Variants in TMEM63C observed in about 807,000 individuals in gnomAD.
TMEM63C encodes the protein transmembrane protein 63C, also known as osmosensitive cation channel TMEM63C.
In TMEM63C, 32 loss-of-function variants were observed where a neutral mutation model predicts 99.2. The ratio of observed to expected loss-of-function variants is 0.32; its 90% CI spans 0.24 to 0.43. The LOEUF is 0.43. Ranked by LOEUF, TMEM63C falls within the 20% of genes least tolerant of loss-of-function variation. TMEM63C has a pLI of 1.00. For synonymous variants in TMEM63C, 376 were observed against 397.9 expected, an observed-to-expected ratio of 0.94 and a Z score of 0.66; for missense variants, 826 against 1,053.0, an observed-to-expected ratio of 0.78 and a Z score of 2.98.
intron 3 of TMEM63C, 76 bp from the exon 4 acceptor site, chr14:77,219,422 A>C: frequency 6.7e-7 from 1 of 1,483,136 alleles, no homozygotes; most frequent in Non-Finnish European, 9.4e-7. Flanking sequence ...GTCTCCCCCA[A>C]GGGAATGCAG....
chr14:77,243,811 C>A lies in TMEM63C; in HGVS notation c.1342-538C>A, dbSNP rs1296083874. 2.0e-5 allele frequency among the ~76,000 whole-genome samples: 3 copies of A among 152,108 alleles called. No individual in the cohort carries two copies. In the East Asian group the frequency reaches 5.8e-4, roughly 29 times the overall value. On this transcript the variant is annotated intron_variant, in intron 15 of 23. Transcript: ENST00000298351. ...AAGTCAACACACACGCATGCACACA[C>A]ACGCACACATGCACAGTCAACAGAC...
chr14:77,205,927 C>T lies in TMEM63C; in HGVS notation c.-76-7519C>T, dbSNP rs539512638. On this transcript the variant is annotated intron_variant, in intron 1 of 23. Coordinates refer to ENST00000298351, the MANE Select transcript of TMEM63C (RefSeq NM_020431.4). ...GGCAGGCTACACACCCACTCTGGGC[C>T]TCAGCATCCTCATTTGTAAATGGGG... Among the ~76,000 whole-genome samples, 4 of 152,318 alleles carry T rather than the reference C, an allele frequency of 2.6e-5. No homozygotes were observed. In the East Asian group the frequency reaches 7.7e-4, roughly 29 times the overall value.
intron 5 of TMEM63C, among the ~76,000 whole-genome samples, chr14:77,222,815 T>A (rs1472918846): frequency 6.6e-6 from 1 of 152,212 alleles, no homozygotes; most frequent in Non-Finnish European, 1.5e-5. Flanking sequence ...TCTCTTGTTA[T>A]ATAGCCACAG....
intron 1 of TMEM63C, among the ~76,000 whole-genome samples, chr14:77,195,657 C>T (rs1367371974): frequency 1.3e-5 from 2 of 152,178 alleles, no homozygotes; most frequent in African/African-American, 4.8e-5. Context: ...ATTGTCTGTG[C>T]ATCTAGGCTG....
chr14:77,200,709 C>G (rs929980621), intron 1 of TMEM63C, among the ~76,000 whole-genome samples: 1 of 152,264 alleles, frequency 6.6e-6, no homozygotes, highest in Admixed American at 6.5e-5. Flanking sequence ...GTCCTGCCCC[C>G]GCTCCCCATC....
rs369782717 is a variant in TMEM63C at position 77,219,590 on chromosome 14, C to A, written c.230+13C>A. The A allele has an allele frequency of 1.9e-6, 3 of 1,613,450 alleles. No homozygotes were observed. The African/African-American group carries it at 4.0e-5, about 22-fold the overall frequency. ...TACACAATGACAGGTGAGGAGGGGT[C>A]GAGATGGGTGAGCCGTTGCCCCCTT... On this transcript the variant is annotated intron_variant, in intron 4 of 23. Coordinates refer to ENST00000298351, the MANE Select transcript of TMEM63C (RefSeq NM_020431.4).
chr14:77,235,155 T>C (rs1462616069), intron 8 of TMEM63C, among the ~76,000 whole-genome samples: 3 of 151,862 alleles, frequency 2.0e-5, no homozygotes, highest in South Asian at 4.1e-4. Context: ...TCAATAAACG[T>C]TCCCCCCATG....
chr14:77,200,839 T>TAATTTGGCCTTG (rs1178568165), intron 1 of TMEM63C, among the ~76,000 whole-genome samples: 2 of 152,196 alleles, frequency 1.3e-5, no homozygotes, highest in Non-Finnish European at 2.9e-5. Context: ...GCCAACTGGC[T>TAATTTGGCCTTG]AGGCTCAAAT....
At chr14:77,191,982 G>A (rs1185158089) in intron 1 of TMEM63C, among the ~76,000 whole-genome samples, 2 of 152,210 alleles carry the variant, frequency 1.3e-5, no homozygotes, top group Non-Finnish European at 1.5e-5. Context: ...ATATTTGGGT[G>A]CTCTGCTGTT....
intron 7 of TMEM63C, 135 bp downstream of exon 7, chr14:77,231,865 G>A: frequency 9.6e-7 from 1 of 1,042,866 alleles, no homozygotes; most frequent in East Asian, 2.6e-5. Context: ...GTGTGAACTT[G>A]AACAAACCAT....
chr14:77,244,932 G>A (rs773600992), intron 16 of TMEM63C, among the ~76,000 whole-genome samples: 46 of 152,316 alleles, frequency 3.0e-4, no homozygotes, highest in Admixed American at 1.3e-3. Context: ...AATCAGGAGC[G>A]TTCCCATTTG....
chr14:77,225,916 C>T (rs1002475392), intron 6 of TMEM63C, among the ~76,000 whole-genome samples: 1 of 151,988 alleles, frequency 6.6e-6, no homozygotes, highest in African/African-American at 2.4e-5. Context: ...CCCTTGCCCA[C>T]CTCACCTTGT....
intron 2 of TMEM63C, among the ~76,000 whole-genome samples, chr14:77,214,923 T>C (rs1306818084): frequency 6.6e-6 from 1 of 152,154 alleles, no homozygotes; most frequent in Non-Finnish European, 1.5e-5. Flanking sequence ...CTTTCCCTGG[T>C]CCTCACCCAT....
rs746276863 is a variant in TMEM63C, at chr14:77,246,642, C to G, written c.1569C>G (p.Ile523Met). The part of the protein sequence containing the change: ...LDVFLRWLFD[I>M]YYLEQASIRF... ...TCTTTCTCCGCTGGCTCTTTGACATCTACTATCTAGAGCAAGCATCCATCA... is the reference window on the plus strand; with the variant it reads ...TCTTTCTCCGCTGGCTCTTTGACATGTACTATCTAGAGCAAGCATCCATCA... Residue 523 changes from isoleucine to methionine, a missense_variant, in exon 18 of 24, where the codon ATC (isoleucine) becomes ATG (methionine). Coordinates refer to ENST00000298351, the MANE Select transcript of TMEM63C (RefSeq NM_020431.4). The G allele has an allele frequency of 1.5e-5, 25 of 1,613,466 alleles. No homozygotes were observed. In the East Asian group the frequency reaches 5.6e-4, roughly 36 times the overall value.
At chr14:77,222,809 T>C (rs113278944) in intron 5 of TMEM63C, among the ~76,000 whole-genome samples, 14 of 152,344 alleles carry the variant, frequency 9.2e-5, no homozygotes, top group African/African-American at 3.4e-4. Context: ...TCCAGATCTC[T>C]TGTTATATAG....
At chr14:77,239,528 G>A (rs368745372) in intron 11 of TMEM63C, 36 bp downstream of exon 11, 25 of 1,612,170 alleles carry the variant, frequency 1.6e-5, no homozygotes, top group Non-Finnish European at 2.0e-5. Flanking sequence ...GGCCCGGGGT[G>A]GGGGTAAAAG....
chr14:77,190,227 C>T (rs1290628773), intron 1 of TMEM63C, among the ~76,000 whole-genome samples: 3 of 152,048 alleles, frequency 2.0e-5, no homozygotes, highest in Non-Finnish European at 2.9e-5. Context: ...AGTTTGACAT[C>T]AGGAGAGGTA....
chr14:77,198,951 G>A (rs1888253643), intron 1 of TMEM63C, among the ~76,000 whole-genome samples: 1 of 152,192 alleles, frequency 6.6e-6, no homozygotes, highest in African/African-American at 2.4e-5. Flanking sequence ...CCAGACACTG[G>A]ACTAGGCAGC....
rs1287278408 is a variant in TMEM63C at position 77,240,511 on chromosome 14, C to A, written c.967C>A (p.Gln323Lys). ...GCAGTATTACAGCGAGCTAGAGGAGCAGCTAACGGACGAGTTCAACGCCGA... is the reference window on the plus strand; with the variant it reads ...GCAGTATTACAGCGAGCTAGAGGAGAAGCTAACGGACGAGTTCAACGCCGA... ...AEQYYSELEE[Q>K]LTDEFNAELN... Residue 323 changes from glutamine (Q) to lysine (K), a missense_variant, in exon 13 of 24, where the codon CAG becomes AAG. Gln to Lys is a moderately conservative substitution (Grantham distance 53). Coordinates refer to ENST00000298351, the MANE Select transcript of TMEM63C (RefSeq NM_020431.4). 6.2e-7 allele frequency: 1 copy of A among 1,611,652 alleles called. No individual in the cohort carries two copies. Among genetic ancestry groups the A allele is most frequent in the African/African-American group, 1.3e-5 (1 of 74,948 alleles).
Sources: gnomAD v4.1 joint callset for allele counts (sites outside exome capture counted in the v4.1 genomes callset) on GRCh38, gnomAD v4.1.1 for gene constraint, MANE v1.5 for transcripts, NCBI Gene and HGNC (gene_info 2026-07-23, HGNC 2026-07-21) for gene names.